The following ATRNL1 variants were observed in gnomAD, a reference collection of about 807,000 sequenced individuals.
ATRNL1 encodes attractin-like protein 1.
Under a neutral mutation model 182.7 loss-of-function variants are expected in ATRNL1, and 95 were observed. That is an observed-to-expected ratio of 0.52 (90% CI 0.44 to 0.62). The LOEUF (loss-of-function observed/expected upper bound fraction) is 0.62. Among genes scored for constraint, ATRNL1 ranks in the 20% least tolerant of loss-of-function variants. The probability of loss-of-function intolerance (pLI) is 0.00; values close to 1 mark genes in which losing one functional copy is unlikely to be tolerated. For missense variants in ATRNL1, 1,471 were observed against 1,679.5 expected (o/e 0.88, Z 2.17); for synonymous variants, 576 against 568.3 (o/e 1.01, Z -0.19).
chr10:115,266,734 C>G, intron 11 of ATRNL1, 63 bp from the exon 12 acceptor site: 2 of 924,620 alleles, frequency 2.2e-6, no homozygotes, highest in Non-Finnish European at 1.7e-6. Flanking sequence ...ATTTTTATAA[C>G]TAAATCAGTA....
In ATRNL1 at chr10:115,806,833, A is replaced by T. The variant is rs532790892; in HGVS notation, c.3904-41044A>T. ...TTATAATAACACTTATAGGGTTCGT[A>T]TGAGGATTAAATTAGTTAATATGCA... On this transcript the variant is annotated intron_variant, in intron 27 of 28. Coordinates refer to ENST00000355044, the MANE Select transcript of ATRNL1 (RefSeq NM_207303.4). 2.6e-5 allele frequency among the ~76,000 whole-genome samples: 4 copies of T among 152,252 alleles called. No homozygotes were observed. The East Asian group carries it at 7.7e-4, about 29-fold the overall frequency.
At chr10:115,725,245 G>A (rs1292040136) in intron 26 of ATRNL1, among the ~76,000 whole-genome samples, 1 of 151,996 alleles carries the variant, frequency 6.6e-6, no homozygotes, top group Non-Finnish European at 1.5e-5. Context: ...ATATACTTTC[G>A]CATTCTACAA....
chr10:115,864,914 G>A (rs1951401780), intron 28 of ATRNL1, among the ~76,000 whole-genome samples: 1 of 151,824 alleles, frequency 6.6e-6, no homozygotes, highest in East Asian at 1.9e-4. Context: ...CCCAGGAGGC[G>A]GAGCTTGCAG....
At chr10:115,328,305 A>T (rs782372809) in intron 18 of ATRNL1, among the ~76,000 whole-genome samples, 1 of 152,150 alleles carries the variant, frequency 6.6e-6, no homozygotes, top group African/African-American at 2.4e-5. Flanking sequence ...GTTAAATTGA[A>T]ACAAAATATG....
chr10:115,344,057 T>C lies in ATRNL1; in HGVS notation c.3175+9638T>C, dbSNP rs1210812311. Among the ~76,000 whole-genome samples the C allele has an allele frequency of 2.0e-5, 3 of 152,174 alleles. No individual in the cohort carries two copies. The East Asian group carries it at 5.8e-4, about 29-fold the overall frequency. On this transcript the variant is annotated intron_variant, in intron 19 of 28. Transcript: ENST00000355044. Reference sequence around the variant, plus strand: ...AAAGTACCACCGTGGCCATCACCAGTATGACTGTGCTGGTCAGACATGAAG... The same window carrying C: ...AAAGTACCACCGTGGCCATCACCAGCATGACTGTGCTGGTCAGACATGAAG...
At chr10:115,231,688 T>C (rs1554900051) in intron 9 of ATRNL1, among the ~76,000 whole-genome samples, 1 of 152,124 alleles carries the variant, frequency 6.6e-6, no homozygotes. Context: ...TGGTAAACCT[T>C]ACCTAGGAAG....
chr10:115,538,951 A>G (rs1453974226), intron 25 of ATRNL1, among the ~76,000 whole-genome samples: 1 of 152,226 alleles, frequency 6.6e-6, no homozygotes, highest in African/African-American at 2.4e-5. Flanking sequence ...TACCTACAGT[A>G]TTCAATACAG....
intron 26 of ATRNL1, among the ~76,000 whole-genome samples, chr10:115,672,675 G>T (rs1436395627): frequency 3.9e-5 from 6 of 152,000 alleles, no homozygotes; most frequent in Non-Finnish European, 8.8e-5. Context: ...TTTATGTATG[G>T]TGCTTATTAC....
intron 8 of ATRNL1, among the ~76,000 whole-genome samples, chr10:115,193,526 A>G (rs1048370910): frequency 6.6e-6 from 1 of 151,828 alleles, no homozygotes; most frequent in Non-Finnish European, 1.5e-5. Context: ...ATAGTCTCTA[A>G]TGATTCTTTG....
intron 28 of ATRNL1, among the ~76,000 whole-genome samples, chr10:115,852,018 G>A (rs1951068489): frequency 6.6e-6 from 1 of 152,166 alleles, no homozygotes; most frequent in African/African-American, 2.4e-5. Context: ...CTCTTCAGAT[G>A]CATAAATTGA....
chr10:115,653,381 G>A (rs73377522), intron 26 of ATRNL1, among the ~76,000 whole-genome samples: 7,489 of 152,064 alleles, frequency 0.049, 520 homozygotes, highest in African/African-American at 0.16. Context: ...ATCTCCTTAG[G>A]CCTATCTCTC....
At chr10:115,115,050 A>G (rs966850472) in intron 1 of ATRNL1, among the ~76,000 whole-genome samples, 3 of 152,190 alleles carry the variant, frequency 2.0e-5, no homozygotes, top group Non-Finnish European at 2.9e-5. Flanking sequence ...TATTCAGCCT[A>G]TAAAGGGACA....
intron 26 of ATRNL1, among the ~76,000 whole-genome samples, chr10:115,555,158 G>A (rs2133822087): frequency 6.6e-6 from 1 of 151,784 alleles, no homozygotes; most frequent in South Asian, 2.1e-4. Flanking sequence ...GGAGCTCAGG[G>A]GTGGGTTCAA....
At chr10:115,763,439 G>A (rs1310795506) in intron 27 of ATRNL1, among the ~76,000 whole-genome samples, 1 of 152,160 alleles carries the variant, frequency 6.6e-6, no homozygotes, top group Non-Finnish European at 1.5e-5. Flanking sequence ...ATTTCAATGA[G>A]AGGGCAGTAT....
chr10:115,878,696 T>C (rs1412609226), intron 28 of ATRNL1, among the ~76,000 whole-genome samples: 1 of 152,216 alleles, frequency 6.6e-6, no homozygotes, highest in East Asian at 1.9e-4. Flanking sequence ...ATTGGAGCCT[T>C]ACAGTTTCAA....
intron 25 of ATRNL1, among the ~76,000 whole-genome samples, chr10:115,527,133 C>T (rs1851260847): frequency 6.7e-6 from 1 of 149,998 alleles, no homozygotes; most frequent in Non-Finnish European, 1.5e-5. Context: ...TTTTTTTTCC[C>T]CCCCGAGATA....
intron 26 of ATRNL1, among the ~76,000 whole-genome samples, chr10:115,622,057 A>G (rs1306340712): frequency 6.6e-6 from 1 of 152,170 alleles, no homozygotes; most frequent in East Asian, 1.9e-4. Flanking sequence ...GTTCTTAAGA[A>G]TTACTGCTTT....
chr10:115,363,362 G>T lies in ATRNL1; in HGVS notation c.3175+28943G>T, dbSNP rs561458269. 3.8e-4 allele frequency among the ~76,000 whole-genome samples: 56 copies of T among 147,194 alleles called. No individual in the cohort carries two copies. The South Asian group carries it at 5.9e-3, about 15-fold the overall frequency. On this transcript the variant is annotated intron_variant, in intron 19 of 28. Transcript: ENST00000355044. ...TGTCCTTTGCCCACTTTTTGATGGG[G>T]TTGTTTGTTTTTTTCTTGTAAATTT... is the stretch of plus-strand genomic sequence containing the variant.
chr10:115,661,818 C>T (rs574782720), intron 26 of ATRNL1, among the ~76,000 whole-genome samples: 18 of 152,086 alleles, frequency 1.2e-4, no homozygotes, highest in Non-Finnish European at 1.9e-4. Context: ...ATGTGCACAA[C>T]GTGCAGGTTA....
Sources: allele counts gnomAD v4.1 joint callset (sites outside exome capture counted in the v4.1 genomes callset), GRCh38; gene constraint gnomAD v4.1.1; transcripts MANE v1.5; gene names NCBI Gene and HGNC (gene_info 2026-07-23, HGNC 2026-07-21).